Variants in TAFA5 observed in about 807,000 individuals in gnomAD.
TAFA5 encodes TAFA chemokine like family member 5.
A neutral mutation model predicts 15.3 loss-of-function variants in TAFA5; 6 were observed. The ratio of observed to expected loss-of-function variants is 0.39; its 90% CI spans 0.21 to 0.77. TAFA5 has a LOEUF of 0.77. TAFA5 is among the 30% of genes least tolerant of loss of function. The probability of loss-of-function intolerance (pLI) is 0.41; values close to 1 mark genes in which losing one functional copy is unlikely to be tolerated. For missense variants in TAFA5, 161 were observed against 193.1 expected, an observed-to-expected ratio of 0.83 and a Z score of 0.98; for synonymous variants, 103 against 80.7, an observed-to-expected ratio of 1.28 and a Z score of -1.48.
Position 48,719,235 on chromosome 22 carries a change from G to C in TAFA5, c.390+11391G>C, listed in dbSNP as rs900364543. 3.9e-5 allele frequency among the ~76,000 whole-genome samples: 6 copies of C among 152,196 alleles called. No individual in the cohort carries two copies. In the South Asian group the frequency reaches 6.2e-4, roughly 16 times the overall value. On this transcript the variant is annotated intron_variant, in intron 3 of 3. Coordinates refer to ENST00000402357, the MANE Select transcript of TAFA5 (RefSeq NM_001082967.3). ...CGTCCTTCTGGAACTAATGCCAGGT[G>C]GACGCAGAGCCGGCAGGACTGAAGA...
rs974636625 is a variant in TAFA5 at position 48,749,794 on chromosome 22, C to T, written c.391-45C>T. Reference sequence around the variant, plus strand: ...AGCCTGTGTTCCCTGTGGCCCTGGGCAGCGTCTGCAGGAGGCTCACCCTCT... The same window carrying T: ...AGCCTGTGTTCCCTGTGGCCCTGGGTAGCGTCTGCAGGAGGCTCACCCTCT... On this transcript the variant is annotated intron_variant, in intron 3 of 3. Transcript: ENST00000402357. 4.5e-6 allele frequency: 7 copies of T among 1,556,762 alleles called. No individual in the cohort carries two copies. In the African/African-American group the frequency reaches 6.8e-5, roughly 15 times the overall value.
intron 1 of TAFA5, among the ~76,000 whole-genome samples, chr22:48,586,924 T>C (rs1371480678): frequency 6.6e-6 from 1 of 152,206 alleles, no homozygotes; most frequent in Non-Finnish European, 1.5e-5. Flanking sequence ...TGGGCTGTAG[T>C]GTGCGGGGCA....
chr22:48,554,267 T>A (rs1452070588), intron 1 of TAFA5, among the ~76,000 whole-genome samples: 2 of 152,020 alleles, frequency 1.3e-5, no homozygotes, highest in African/African-American at 4.8e-5. Context: ...TAGGCCGTCA[T>A]TTTTTTTCCA....
chr22:48,683,681 T>C (rs139089928), intron 2 of TAFA5, among the ~76,000 whole-genome samples: 26 of 152,322 alleles, frequency 1.7e-4, no homozygotes, highest in African/African-American at 5.8e-4. Context: ...TTTGAAAAAA[T>C]TGCAAACTTT....
At chr22:48,715,719 G>A (rs1217311802) in intron 3 of TAFA5, among the ~76,000 whole-genome samples, 1 of 152,186 alleles carries the variant, frequency 6.6e-6, no homozygotes, top group Non-Finnish European at 1.5e-5. Flanking sequence ...CTGCTGGCCC[G>A]ACCCAGGCGC....
intron 3 of TAFA5, among the ~76,000 whole-genome samples, chr22:48,731,316 G>A (rs1435975590): frequency 2.0e-5 from 3 of 152,246 alleles, no homozygotes; most frequent in Non-Finnish European, 4.4e-5. Flanking sequence ...AGCAACTGCT[G>A]TTGGAGAAGC....
intron 1 of TAFA5, among the ~76,000 whole-genome samples, chr22:48,589,414 C>T (rs1305367606): frequency 6.6e-6 from 1 of 151,812 alleles, no homozygotes. Flanking sequence ...TTGGAGGTCC[C>T]CAAAGACAGA....
chr22:48,586,793 G>C (rs1924378209), intron 1 of TAFA5, among the ~76,000 whole-genome samples: 1 of 152,252 alleles, frequency 6.6e-6, no homozygotes, highest in South Asian at 2.1e-4. Context: ...TGCCCACTGT[G>C]TTCTCTAGAG....
intron 1 of TAFA5, among the ~76,000 whole-genome samples, chr22:48,618,563 C>T (rs750121119): frequency 1.3e-4 from 20 of 152,210 alleles, no homozygotes; most frequent in Non-Finnish European, 1.3e-4. Context: ...ACCCGCAGCT[C>T]CGTCTGGGAA....
Position 48,560,810 on chromosome 22 carries a change from G to GT in TAFA5, c.112+71107dup, listed in dbSNP as rs1923205552. On this transcript the variant is annotated intron_variant, in intron 1 of 3. Coordinates refer to ENST00000402357, the MANE Select transcript of TAFA5 (RefSeq NM_001082967.3). The surrounding 1 kb of genome is among the most constrained non-coding windows in gnomAD (Gnocchi z 4.2). ...TTTTTAGTAGAGATGGGGTTTCACCGTGTTGGCCAGACTGGTCTTGAACTC... is the reference window on the plus strand; with the variant it reads ...TTTTTAGTAGAGATGGGGTTTCACCGTTGTTGGCCAGACTGGTCTTGAACTC... Among the ~76,000 whole-genome samples, 1 of 151,832 alleles carries GT rather than the reference G, an allele frequency of 6.6e-6. No homozygotes were observed. The highest frequency in any genetic ancestry group is 2.4e-5 in the African/African-American group (1 of 41,306).
At chr22:48,503,312 G>A (rs1920963768) in intron 1 of TAFA5, among the ~76,000 whole-genome samples, 1 of 152,252 alleles carries the variant, frequency 6.6e-6, no homozygotes, top group East Asian at 1.9e-4. Flanking sequence ...CTGGTGCCAG[G>A]TGCATGGGAA....
chr22:48,740,772 G>T (rs565829214), intron 3 of TAFA5, among the ~76,000 whole-genome samples: 3 of 152,148 alleles, frequency 2.0e-5, no homozygotes, highest in Non-Finnish European at 2.9e-5. Flanking sequence ...ATGTGGCCTC[G>T]CAGGGTCTGC....
intron 1 of TAFA5, among the ~76,000 whole-genome samples, chr22:48,630,457 G>A (rs934637069): frequency 2.0e-5 from 3 of 152,174 alleles, no homozygotes; most frequent in African/African-American, 7.2e-5. Context: ...TTTATTCATT[G>A]CCTTTGTTGA....
chr22:48,713,091 T>C (rs547101801), intron 3 of TAFA5, among the ~76,000 whole-genome samples: 18 of 152,372 alleles, frequency 1.2e-4, no homozygotes, highest in African/African-American at 4.3e-4. Flanking sequence ...GCCAGCTAGA[T>C]GGAAATCCTG....
At chr22:48,576,153 G>A (rs200506227) in intron 1 of TAFA5, among the ~76,000 whole-genome samples, 1,900 of 143,494 alleles carry the variant, frequency 0.013, 64 homozygotes, top group East Asian at 0.12. Flanking sequence ...GGGCCGCGGC[G>A]GCCGCCCCCC....
In TAFA5 at chr22:48,523,488, T is replaced by C. The variant is rs549132682; in HGVS notation, c.112+33784T>C. On this transcript the variant is annotated intron_variant, in intron 1 of 3. Transcript: ENST00000402357. Reference sequence around the variant, plus strand: ...GGAAGGAGGCTTGGGATGGAAAACGTTGGGCCTCTGCTTCTGGGAGCCCCG... The same window carrying C: ...GGAAGGAGGCTTGGGATGGAAAACGCTGGGCCTCTGCTTCTGGGAGCCCCG... Among the ~76,000 whole-genome samples the C allele has an allele frequency of 1.1e-4, 16 of 152,320 alleles. No homozygotes were observed. The East Asian group carries it at 2.3e-3, about 22-fold the overall frequency.
intron 3 of TAFA5, among the ~76,000 whole-genome samples, chr22:48,727,907 T>G (rs1056852289): frequency 6.6e-6 from 1 of 152,214 alleles, no homozygotes; most frequent in Non-Finnish European, 1.5e-5. Flanking sequence ...ATGCACTGAT[T>G]AGCATACATA....
At chr22:48,693,976 C>A (rs1054091241) in intron 2 of TAFA5, among the ~76,000 whole-genome samples, 1 of 152,196 alleles carries the variant, frequency 6.6e-6, no homozygotes, top group East Asian at 1.9e-4. Flanking sequence ...GATTCAGCAT[C>A]TCCACTGGGC....
At chr22:48,743,175 AG>A (rs2147275326) in intron 3 of TAFA5, among the ~76,000 whole-genome samples, 1 of 152,216 alleles carries the variant, frequency 6.6e-6, no homozygotes, top group African/African-American at 2.4e-5. Flanking sequence ...CTCCCGCAGG[AG>A]GCAGCAGCAG....
Sources: gnomAD v4.1 joint callset for allele counts (sites outside exome capture counted in the v4.1 genomes callset) on GRCh38, gnomAD v4.1.1 for gene constraint, Gnocchi (gnomAD v3.1) non-coding constraint, MANE v1.5 for transcripts, NCBI Gene and HGNC (gene_info 2026-07-23, HGNC 2026-07-21) for gene names.